Variants in SLC9A9 observed in about 807,000 individuals in gnomAD.
SLC9A9 encodes the protein sodium/hydrogen exchanger 9.
A neutral mutation model predicts 77.8 loss-of-function variants in SLC9A9; 62 were observed. That is an observed-to-expected ratio of 0.80 (90% CI 0.65 to 0.98). The LOEUF (loss-of-function observed/expected upper bound fraction) is 0.98, where lower values mean the gene tolerates loss of function less well. Ranked by LOEUF, SLC9A9 falls within the 50% of genes least tolerant of loss-of-function variation. The pLI, the probability that SLC9A9 is intolerant of heterozygous loss-of-function variation, is 0.00. For synonymous variants in SLC9A9, 320 were observed against 283.5 expected, an observed-to-expected ratio of 1.13 and a Z score of -1.29; for missense variants, 775 against 774.9, an observed-to-expected ratio of 1.00 and a Z score of 0.00.
chr3:143,354,359 C>A (rs1391756263), intron 14 of SLC9A9, among the ~76,000 whole-genome samples: 2 of 152,212 alleles, frequency 1.3e-5, no homozygotes, highest in Non-Finnish European at 2.9e-5. Context: ...GTTGGTTTGA[C>A]ATACATTGAG....
chr3:143,805,335 C>T (rs1213683713), intron 2 of SLC9A9, among the ~76,000 whole-genome samples: 1 of 152,156 alleles, frequency 6.6e-6, no homozygotes, highest in Non-Finnish European at 1.5e-5. Context: ...TAGGTTCCCA[C>T]ACTGCCCCTA....
At chr3:143,745,019 T>C (rs1935169956) in intron 4 of SLC9A9, among the ~76,000 whole-genome samples, 1 of 152,228 alleles carries the variant, frequency 6.6e-6, no homozygotes, top group African/African-American at 2.4e-5. Flanking sequence ...TTCACCATCC[T>C]CTTTTGTTGT....
chr3:143,840,072 A>T (rs2009667812), intron 1 of SLC9A9, among the ~76,000 whole-genome samples: 1 of 152,214 alleles, frequency 6.6e-6, no homozygotes, highest in South Asian at 2.1e-4. Context: ...ACTTCAGTGC[A>T]TCAGAACCTC....
intron 1 of SLC9A9, among the ~76,000 whole-genome samples, chr3:143,832,454 T>C (rs951613482): frequency 6.6e-6 from 1 of 152,122 alleles, no homozygotes; most frequent in South Asian, 2.1e-4. Context: ...ATTTTTTTTC[T>C]CCCTAGTGGA....
intron 11 of SLC9A9, among the ~76,000 whole-genome samples, chr3:143,473,367 A>C (rs1049801636): frequency 1.3e-5 from 2 of 152,074 alleles, no homozygotes; most frequent in African/African-American, 4.8e-5. Flanking sequence ...CTCACTCAGA[A>C]CCCCACCCTA....
At chr3:143,552,476 A>C (rs774091199) in intron 8 of SLC9A9, 26 bp from the exon 9 acceptor site, 2 of 1,602,000 alleles carry the variant, frequency 1.2e-6, no homozygotes, top group East Asian at 4.5e-5. Context: ...CAGATCAGTC[A>C]AAACCAATTT....
At chr3:143,791,744 T>C (rs2008231611) in intron 4 of SLC9A9, among the ~76,000 whole-genome samples, 2 of 152,216 alleles carry the variant, frequency 1.3e-5, no homozygotes, top group Admixed American at 6.5e-5. Flanking sequence ...ATCTAACTTC[T>C]ATTCTGAATC....
chr3:143,575,243 A>G (rs2037338820), intron 7 of SLC9A9, among the ~76,000 whole-genome samples: 1 of 152,180 alleles, frequency 6.6e-6, no homozygotes, highest in African/African-American at 2.4e-5. Flanking sequence ...TGTTTTGTAA[A>G]GTTTTAGAAA....
rs559433607 is a variant in SLC9A9 at position 143,676,390 on chromosome 3, AAAAC to A, written c.649+16798_649+16801del. On this transcript the variant is annotated intron_variant, in intron 5 of 15. Coordinates refer to ENST00000316549, the MANE Select transcript of SLC9A9 (RefSeq NM_173653.4). ...GATGTTTAAAATGAGAAACAAAGCA[AAAAC>A]AAACAAACAAACAAAACAAACAAAA... Among the ~76,000 whole-genome samples, 387 of 152,338 alleles carry A rather than the reference AAAAC, an allele frequency of 2.5e-3. 1 individual carries two copies. Among genetic ancestry groups the A allele is most frequent in the Admixed American group, 4.1e-3 (62 of 15,306 alleles).
At chr3:143,553,042 C>A (rs533976479) in intron 8 of SLC9A9, among the ~76,000 whole-genome samples, 3 of 152,302 alleles carry the variant, frequency 2.0e-5, no homozygotes, top group Non-Finnish European at 4.4e-5. Context: ...AGGCTGGGTG[C>A]TCTGTCCTGC....
At chr3:143,549,043 G>T (rs772109858) in intron 9 of SLC9A9, among the ~76,000 whole-genome samples, 1 of 152,190 alleles carries the variant, frequency 6.6e-6, no homozygotes, top group Non-Finnish European at 1.5e-5. Flanking sequence ...CTACCTTCCC[G>T]TTGACAGTGT....
At chr3:143,347,641 G>A (rs372329654) in intron 14 of SLC9A9, among the ~76,000 whole-genome samples, 14 of 152,286 alleles carry the variant, frequency 9.2e-5, no homozygotes, top group African/African-American at 3.4e-4. Flanking sequence ...TGTAAGGAGA[G>A]AGAAATGCTT....
intron 3 of SLC9A9, 56 bp from the exon 4 acceptor site, chr3:143,795,133 A>G (rs56969315): frequency 0.21 from 317,069 of 1,512,688 alleles, 35,885 homozygotes; most frequent in African/African-American, 0.36. Flanking sequence ...CTTAGTGCAA[A>G]AGAAAATAAA....
At chr3:143,822,295 G>A (rs1280880890) in intron 2 of SLC9A9, among the ~76,000 whole-genome samples, 1 of 152,156 alleles carries the variant, frequency 6.6e-6, no homozygotes, top group Non-Finnish European at 1.5e-5. Flanking sequence ...CACACTACCT[G>A]AGGGTCCACC....
intron 4 of SLC9A9, among the ~76,000 whole-genome samples, chr3:143,776,429 G>T (rs555166814): frequency 6.6e-6 from 1 of 152,114 alleles, no homozygotes; most frequent in Non-Finnish European, 1.5e-5. Context: ...ATAAACTAGT[G>T]AGAAAATATT....
chr3:143,769,797 C>T (rs2007454451), intron 4 of SLC9A9, among the ~76,000 whole-genome samples: 1 of 152,136 alleles, frequency 6.6e-6, no homozygotes, highest in Non-Finnish European at 1.5e-5. Context: ...AACCTTTTCT[C>T]CTCAGTGTGA....
chr3:143,835,819 TGCCCCTGCAAA>T lies in SLC9A9; in HGVS notation c.176-3609_176-3599del, dbSNP rs535655737. The stretch of plus-strand genomic sequence containing the variant: ...TGCTGGAGGAGGAAAGAAGAGAGCC[TGCCCCTGCAAA>T]GGGATACCCACCCAGTCCATGTGCA... On this transcript the variant is annotated intron_variant, in intron 1 of 15. Transcript: ENST00000316549. Among the ~76,000 whole-genome samples the T allele has an allele frequency of 3.7e-3, 564 of 152,334 alleles. 5 individuals are homozygous for T. Among genetic ancestry groups the T allele is most frequent in the African/African-American group, 0.013 (542 of 41,574 alleles).
At chr3:143,301,594 C>T (rs1258897013) in intron 14 of SLC9A9, among the ~76,000 whole-genome samples, 2 of 152,150 alleles carry the variant, frequency 1.3e-5, no homozygotes, top group Non-Finnish European at 2.9e-5. Context: ...CAGACGCATT[C>T]TCCAGCAGCA....
intron 11 of SLC9A9, among the ~76,000 whole-genome samples, chr3:143,471,639 C>T (rs1054605877): frequency 2.0e-5 from 3 of 152,106 alleles, no homozygotes; most frequent in Non-Finnish European, 4.4e-5. Context: ...GAGTTTGAGT[C>T]TTTGGGTTTT....
Sources: gnomAD v4.1 joint callset for allele counts (sites outside exome capture counted in the v4.1 genomes callset) on GRCh38, gnomAD v4.1.1 for gene constraint, MANE v1.5 for transcripts, NCBI Gene and HGNC (gene_info 2026-07-23, HGNC 2026-07-21) for gene names.